Variants in PAK3 observed in about 807,000 individuals in gnomAD.
The protein encoded by PAK3 is serine/threonine-protein kinase PAK 3.
PAK3 carries 4 observed loss-of-function variants against 41.0 expected under a neutral mutation model. The ratio of observed to expected loss-of-function variants is 0.10; its 90% confidence interval spans 0.05 to 0.22. PAK3 has a LOEUF of 0.22. PAK3 is among the 10% of genes least tolerant of loss of function. The probability of loss-of-function intolerance (pLI) is 1.00; values close to 1 mark genes in which losing one functional copy is unlikely to be tolerated. For synonymous variants in PAK3, 146 were observed against 139.6 expected, an observed-to-expected ratio of 1.05 and a Z score of -0.32; for missense variants, 205 against 409.9, an observed-to-expected ratio of 0.50 and a Z score of 4.32.
intron 1 of PAK3, among the ~76,000 whole-genome samples, chrX:111,084,416 A>C (rs2092861748): frequency 8.9e-6 from 1 of 112,856 alleles, no homozygotes; most frequent in Non-Finnish European, 1.9e-5. Context: ...TAAGGAAAGA[A>C]GTAACTGTTA....
intron 1 of PAK3, among the ~76,000 whole-genome samples, chrX:111,087,169 GT>G (rs1216171482): frequency 3.0e-5 from 3 of 99,539 alleles, no homozygotes; most frequent in African/African-American, 1.1e-4. Flanking sequence ...GTGTGTGTGT[GT>G]GGCAGGGTTT....
At chrX:111,119,581 AAT>A (rs2093532460) in intron 4 of PAK3, among the ~76,000 whole-genome samples, 1 of 112,213 alleles carries the variant, frequency 8.9e-6, no homozygotes, top group African/African-American at 3.2e-5. Flanking sequence ...CCCAAAATAA[AAT>A]AGTCTCTTTC....
intron 1 of PAK3, among the ~76,000 whole-genome samples, chrX:111,084,243 A>G (rs1021887283): frequency 8.9e-6 from 1 of 112,208 alleles, no homozygotes; most frequent in Non-Finnish European, 1.9e-5. Context: ...TGCTTCCTGT[A>G]TTAGCTATCT....
chrX:111,177,331 G>C (rs1334342069), intron 11 of PAK3, among the ~76,000 whole-genome samples: 9 of 111,724 alleles, frequency 8.1e-5, no homozygotes, highest in African/African-American at 2.9e-4. Context: ...CTCCAGCATG[G>C]GTTTCTGCCA....
chrX:111,002,529 G>A (rs2091864590), intron 1 of PAK3, among the ~76,000 whole-genome samples: 1 of 111,784 alleles, frequency 8.9e-6, no homozygotes, highest in South Asian at 3.7e-4. Context: ...GGGGCAGCTG[G>A]AGCTCAGACT....
chrX:111,059,159 G>C (rs1320929394), intron 1 of PAK3, among the ~76,000 whole-genome samples: 2 of 95,615 alleles, frequency 2.1e-5, no homozygotes, highest in African/African-American at 8.0e-5. Context: ...GGCCATTGGA[G>C]GCTTTTGTTT....
Position 111,101,621 on chromosome X carries a change from G to A in PAK3, c.-175-1538G>A, listed in dbSNP as rs145274740. On this transcript the variant is annotated intron_variant, in intron 3 of 17. Transcript: ENST00000372007. ...CCTCATCCCCAGAGATGGGCAGGGG[G>A]CTTCTTGAGGCCATTCTTCCTGTGT... Among the ~76,000 whole-genome samples the A allele has an allele frequency of 4.4e-3, 488 of 112,104 alleles. 5 individuals carry two copies. Among genetic ancestry groups the A allele is most frequent in the Admixed American group, 0.04 (424 of 10,711 alleles).
intron 1 of PAK3, among the ~76,000 whole-genome samples, chrX:110,977,057 C>T (rs1339545428): frequency 2.7e-5 from 3 of 110,311 alleles, no homozygotes; most frequent in Non-Finnish European, 5.7e-5. Context: ...TGTATACCTA[C>T]GTATCAAACC....
intron 3 of PAK3, among the ~76,000 whole-genome samples, chrX:111,102,056 C>A (rs1277524892): frequency 8.9e-6 from 1 of 112,020 alleles, no homozygotes; most frequent in African/African-American, 3.3e-5. Context: ...AGGTGCTAGC[C>A]TGAATCATGC....
intron 16 of PAK3, among the ~76,000 whole-genome samples, chrX:111,201,717 T>C (rs1056732800): frequency 3.7e-5 from 4 of 108,170 alleles, no homozygotes; most frequent in Non-Finnish European, 7.6e-5. Flanking sequence ...CTAAGCCTGC[T>C]TCCTATCTGT....
intron 1 of PAK3, among the ~76,000 whole-genome samples, chrX:111,062,518 A>C (rs1251412962): frequency 8.9e-6 from 1 of 112,417 alleles, no homozygotes; most frequent in Admixed American, 9.4e-5. Context: ...GAGAAGATGG[A>C]ATCTGCCAAT....
At chrX:111,059,038 T>C (rs762111750) in intron 1 of PAK3, among the ~76,000 whole-genome samples, 17 of 110,211 alleles carry the variant, frequency 1.5e-4, no homozygotes, top group Admixed American at 4.8e-4. Context: ...GAATTATGAG[T>C]CTTCATTTTA....
intron 1 of PAK3, among the ~76,000 whole-genome samples, chrX:110,965,029 C>T (rs140015605): frequency 8.9e-6 from 1 of 111,996 alleles, no homozygotes; most frequent in African/African-American, 3.2e-5. Flanking sequence ...AGAACAGGTG[C>T]GGCCGCACTT....
At chrX:110,949,648 G>A (rs919520351) in intron 1 of PAK3, among the ~76,000 whole-genome samples, 5 of 111,484 alleles carry the variant, frequency 4.5e-5, no homozygotes, top group African/African-American at 1.6e-4. Flanking sequence ...TCTTAACTCG[G>A]AGGGAAATGG....
At chrX:111,107,228 A>T (rs1332450307) in intron 4 of PAK3, among the ~76,000 whole-genome samples, 1 of 112,108 alleles carries the variant, frequency 8.9e-6, no homozygotes. Flanking sequence ...CCTCTAATCT[A>T]GCCAGGTATA....
At chrX:110,947,752 C>CA (rs1428945578) in intron 1 of PAK3, among the ~76,000 whole-genome samples, 2 of 111,614 alleles carry the variant, frequency 1.8e-5, no homozygotes, top group Admixed American at 9.5e-5. Flanking sequence ...TGTTGAGAGA[C>CA]ACGTTCTTTG....
At position 111,173,224 on chromosome X, in the gene PAK3, C is replaced by T. The variant is rs769975923; in HGVS notation, c.830+143C>T. On this transcript the variant is annotated intron_variant, in intron 11 of 17. Transcript: ENST00000372007. ...TTATGTCTTGCATTCTCAGTATTGG[C>T]CTTTCAGGGGGAGTGCTGACAACAG... The T allele has an allele frequency of 1.2e-4, 52 of 451,869 alleles. No homozygotes were observed. In the African/African-American group the frequency reaches 1.2e-3, roughly 11 times the overall value. 37.2% of individuals were successfully genotyped at this position (451,869 alleles called of 1,213,427 possible).
intron 1 of PAK3, among the ~76,000 whole-genome samples, chrX:110,979,326 T>C (rs2148652160): frequency 1.2e-5 from 1 of 83,782 alleles, no homozygotes; most frequent in South Asian, 7.9e-4. Flanking sequence ...TTTGACAGAG[T>C]CTGGCACTGT....
At chrX:111,050,443 C>T (rs967170518) in intron 1 of PAK3, among the ~76,000 whole-genome samples, 19 of 112,404 alleles carry the variant, frequency 1.7e-4, no homozygotes, top group African/African-American at 5.5e-4. Flanking sequence ...ATACCAGAAG[C>T]GATGCTGTCA....
Sources: gnomAD v4.1 joint callset for allele counts (sites outside exome capture counted in the v4.1 genomes callset) on GRCh38, gnomAD v4.1.1 for gene constraint, MANE v1.5 for transcripts, NCBI Gene and HGNC (gene_info 2026-07-23, HGNC 2026-07-21) for gene names.